The following TOX2 variants were observed in gnomAD, a reference collection of about 807,000 sequenced individuals.
TOX2 encodes the protein granulosa cell HMG box 1.
In TOX2, 15 loss-of-function variants were observed where a neutral mutation model predicts 47.4. The ratio of observed to expected loss-of-function variants is 0.32; its 90% CI spans 0.21 to 0.49. The LOEUF is 0.49. TOX2 is among the 20% of genes least tolerant of loss of function. The probability of loss-of-function intolerance (pLI) is 0.99; values close to 1 mark genes in which losing one functional copy is unlikely to be tolerated. For synonymous variants in TOX2, 290 were observed against 296.6 expected (o/e 0.98, Z 0.23); for missense variants, 622 against 673.1 (o/e 0.92, Z 0.84).
chr20:44,041,337 A>G (rs1297740106), intron 3 of TOX2, among the ~76,000 whole-genome samples: 1 of 152,198 alleles, frequency 6.6e-6, no homozygotes, highest in Non-Finnish European at 1.5e-5. Flanking sequence ...GTACAGAAGC[A>G]TGGTAAAGGG....
chr20:44,004,005 G>A (rs1006123568), intron 2 of TOX2, among the ~76,000 whole-genome samples: 2 of 152,204 alleles, frequency 1.3e-5, no homozygotes, highest in East Asian at 3.8e-4. Flanking sequence ...CAATGAAAAC[G>A]GCTGGTAAGA....
At chr20:43,971,263 T>A (rs1004632586) in intron 1 of TOX2, among the ~76,000 whole-genome samples, 5 of 152,202 alleles carry the variant, frequency 3.3e-5, no homozygotes, top group African/African-American at 1.2e-4. Flanking sequence ...GGAGCCTCCA[T>A]TTTAGTAAGA....
intron 1 of TOX2, among the ~76,000 whole-genome samples, chr20:43,927,511 A>ACACACACACACAC (rs1491163655): frequency 7.5e-6 from 1 of 132,518 alleles, no homozygotes; most frequent in Non-Finnish European, 1.6e-5. Context: ...ACACACACAC[A>ACACACACACACAC]TCATGAGATA....
intron 2 of TOX2, among the ~76,000 whole-genome samples, chr20:43,995,803 G>T (rs2070466032): frequency 6.6e-6 from 1 of 152,122 alleles, no homozygotes. Flanking sequence ...AAGGATAATG[G>T]CCTCCAGCTC....
At chr20:43,932,552 T>C (rs537087282) in intron 1 of TOX2, among the ~76,000 whole-genome samples, 45 of 152,204 alleles carry the variant, frequency 3.0e-4, no homozygotes, top group African/African-American at 1.1e-3. Context: ...ACAGGCAGAG[T>C]TGACGGAGCT....
In TOX2 at chr20:43,914,943, G is replaced by A. The variant is rs2069039089; in HGVS notation, c.52G>A (p.Ala18Thr). ...SAPAVGARPG[A>T]EPAGLAHLDY... ...GCCCGCGGTGGGCGCGCGGCCCGGG[G>A]CCGAGCCGGCCGGCCTGGCGCACCT... Residue 18 changes from alanine to threonine, a missense_variant, in exon 1 of 9, where the codon GCC becomes ACC. Ala to Thr is a moderately conservative substitution (Grantham distance 58). Coordinates refer to ENST00000341197, the MANE Select transcript of TOX2 (RefSeq NM_001098797.2). This position sits in a 1 kb window ranked among gnomAD's most constrained non-coding sequence, Gnocchi z 4.5. The A allele has an allele frequency of 8.0e-7, 1 of 1,243,910 alleles. No individual in the cohort carries two copies. The highest frequency in any genetic ancestry group is 1.0e-6 in the Non-Finnish European group (1 of 992,242). 77.1% of individuals were successfully genotyped at this position (1,243,910 alleles called of 1,614,324 possible).
intron 3 of TOX2, among the ~76,000 whole-genome samples, chr20:44,021,775 C>A (rs116094120): frequency 0.012 from 1,759 of 151,550 alleles, 33 homozygotes; most frequent in African/African-American, 0.04. Flanking sequence ...ATCACAGACA[C>A]ACACCACCAT....
chr20:44,032,499 G>A (rs766910769), intron 3 of TOX2, among the ~76,000 whole-genome samples: 1 of 152,220 alleles, frequency 6.6e-6, no homozygotes, highest in Admixed American at 6.5e-5. Context: ...AAGAGCAAGT[G>A]GGGGTGGATG....
At chr20:43,973,250 T>C in intron 1 of TOX2, 117 bp from the exon 2 acceptor site, 1 of 996,042 alleles carries the variant, frequency 1.0e-6, no homozygotes, top group Admixed American at 2.1e-5. Context: ...CTGATTTGCC[T>C]TCTGCAGCTC....
At chr20:44,016,198 A>G (rs1323313616) in intron 3 of TOX2, among the ~76,000 whole-genome samples, 1 of 152,046 alleles carries the variant, frequency 6.6e-6, no homozygotes, top group East Asian at 1.9e-4. Flanking sequence ...CCCTTCTCCC[A>G]GCACCCTTTA....
At chr20:43,936,526 G>A (rs1404443276) in intron 1 of TOX2, among the ~76,000 whole-genome samples, 4 of 152,180 alleles carry the variant, frequency 2.6e-5, no homozygotes, top group African/African-American at 9.7e-5. Flanking sequence ...TTGGCCAGTG[G>A]CCTGGGAGCT....
At chr20:43,986,932 T>A (rs2070278155) in intron 2 of TOX2, among the ~76,000 whole-genome samples, 1 of 152,014 alleles carries the variant, frequency 6.6e-6, no homozygotes, top group South Asian at 2.1e-4. Context: ...GGTGTGCTGG[T>A]ACATACCTGT....
Position 44,016,488 on chromosome 20 carries a change from C to T in TOX2, c.411+9696C>T, listed in dbSNP as rs536165722. On this transcript the variant is annotated intron_variant, in intron 3 of 8. Coordinates refer to ENST00000341197, the MANE Select transcript of TOX2 (RefSeq NM_001098797.2). Reference sequence around the variant, plus strand: ...TCTTTAGCGCAGGGGTTCCCAACCTCGGCACCACTGACATTTTGGGTGGGA... The same window carrying T: ...TCTTTAGCGCAGGGGTTCCCAACCTTGGCACCACTGACATTTTGGGTGGGA... Among the ~76,000 whole-genome samples, 6 of 152,158 alleles carry T rather than the reference C, an allele frequency of 3.9e-5. No individual in the cohort carries two copies. In the South Asian group the frequency reaches 6.2e-4, roughly 16 times the overall value.
At chr20:43,930,171 TG>T (rs1191594797) in intron 1 of TOX2, among the ~76,000 whole-genome samples, 2 of 152,172 alleles carry the variant, frequency 1.3e-5, no homozygotes, top group African/African-American at 4.8e-5. Flanking sequence ...AAAAAGTTGT[TG>T]AAAGATTGAA....
At chr20:44,016,702 C>T (rs771412578) in intron 3 of TOX2, among the ~76,000 whole-genome samples, 3 of 152,176 alleles carry the variant, frequency 2.0e-5, no homozygotes, top group East Asian at 1.9e-4. Flanking sequence ...GCCTGCTGTT[C>T]GCTCTGCTGA....
Position 43,915,699 on chromosome 20 carries a change from G to T in TOX2, c.99+709G>T, listed in dbSNP as rs1265088205. On this transcript the variant is annotated intron_variant, in intron 1 of 8. Transcript: ENST00000341197. The surrounding 1 kb of genome is among the most constrained non-coding windows in gnomAD (Gnocchi z 7.1). ...CTCAGCGCCGCAGCACACTAATTGGGCAGTTTACTAATTGGCCGTCACTGC... is the reference window on the plus strand; with the variant it reads ...CTCAGCGCCGCAGCACACTAATTGGTCAGTTTACTAATTGGCCGTCACTGC... Among the ~76,000 whole-genome samples the T allele has an allele frequency of 6.6e-6, 1 of 152,238 alleles. No homozygotes were observed. The highest frequency in any genetic ancestry group is 1.5e-5 in the Non-Finnish European group (1 of 68,040).
intron 3 of TOX2, among the ~76,000 whole-genome samples, chr20:44,044,203 C>T (rs1014901349): frequency 4.6e-5 from 7 of 152,058 alleles, no homozygotes; most frequent in Non-Finnish European, 7.3e-5. Flanking sequence ...CACGTGTTGT[C>T]ACTCATAGGT....
intron 8 of TOX2, among the ~76,000 whole-genome samples, chr20:44,067,172 C>T (rs143334024): frequency 2.8e-4 from 43 of 152,278 alleles, no homozygotes; most frequent in African/African-American, 1.0e-3. Flanking sequence ...AGGCCAGTTC[C>T]CTAGAAGCAG....
At chr20:43,949,940 C>T (rs2069532280) in intron 1 of TOX2, among the ~76,000 whole-genome samples, 1 of 152,130 alleles carries the variant, frequency 6.6e-6, no homozygotes, top group Non-Finnish European at 1.5e-5. Context: ...GACCTCCCTG[C>T]AAATTAAGGG....
Sources: allele counts gnomAD v4.1 joint callset (sites outside exome capture counted in the v4.1 genomes callset), GRCh38; gene constraint gnomAD v4.1.1; non-coding constraint Gnocchi (gnomAD v3.1); transcripts MANE v1.5; gene names NCBI Gene and HGNC (gene_info 2026-07-23, HGNC 2026-07-21).